LRRC37A2: variants seen among roughly 807,000 people sequenced by gnomAD.
The protein encoded by LRRC37A2 is leucine-rich repeat-containing protein 37A2.
LRRC37A2 carries 9 observed loss-of-function variants against 68.8 expected under a neutral mutation model. The observed-to-expected ratio is 0.13, with a 90% CI of 0.08 to 0.23. The LOEUF is 0.23. Ranked by LOEUF, LRRC37A2 falls within the 10% of genes least tolerant of loss-of-function variation. LRRC37A2 has a pLI of 1.00. For missense variants in LRRC37A2, 168 were observed against 950.4 expected, an observed-to-expected ratio of 0.18 and a Z score of 10.82; for synonymous variants, 63 against 367.6, an observed-to-expected ratio of 0.17 and a Z score of 9.48.
At chr17:46,960,441 T>C in the LRRC37A2 span, among the ~76,000 whole-genome samples, 1 of 152,226 alleles carries the variant, frequency 6.6e-6, no homozygotes, top group Non-Finnish European at 1.5e-5. Flanking sequence ...AAAAACAGTT[T>C]GGCAGTGTCT....
chr17:46,832,636 C>G, the LRRC37A2 span: 1 of 152,514 alleles, frequency 6.6e-6, no homozygotes, highest in African/African-American at 2.4e-5. Flanking sequence ...CACCGAGAGC[C>G]CCTTGAGCCC....
chr17:46,935,906 G>A, the LRRC37A2 span: 7 of 985,798 alleles, frequency 7.1e-6, no homozygotes, highest in Non-Finnish European at 8.4e-6. Context: ...ATCAGGGTGT[G>A]GTCCCCTGTG....
chr17:46,946,461 C>CAAA, the LRRC37A2 span, among the ~76,000 whole-genome samples: 9 of 98,992 alleles, frequency 9.1e-5, no homozygotes, highest in Admixed American at 2.1e-4. Context: ...AACTCCGTCT[C>CAAA]AAAAAAAAAA....
At chr17:46,940,633 T>C in the LRRC37A2 span, 1 of 1,614,074 alleles carries the variant, frequency 6.2e-7, no homozygotes, top group African/African-American at 1.3e-5. Context: ...TCTTGAACTC[T>C]GGGAGGCAGA....
chr17:46,492,235 G>T, the LRRC37A2 span, among the ~76,000 whole-genome samples: 1 of 151,266 alleles, frequency 6.6e-6, no homozygotes, highest in Non-Finnish European at 1.5e-5. Context: ...ATGGTGCCGG[G>T]ATTACAGGTG....
chr17:46,472,901 T>G, the LRRC37A2 span, among the ~76,000 whole-genome samples: 2 of 59,586 alleles, frequency 3.4e-5, no homozygotes, highest in Admixed American at 1.6e-4. Context: ...GGCAACAGAG[T>G]GAGACTCCGT....
chr17:46,926,429 C>A, the LRRC37A2 span, among the ~76,000 whole-genome samples: 1 of 152,240 alleles, frequency 6.6e-6, no homozygotes, highest in East Asian at 1.9e-4. Flanking sequence ...TTAAAAAATT[C>A]TTCCTAGATC....
At chr17:46,993,807 G>A in the LRRC37A2 span, among the ~76,000 whole-genome samples, 372 of 152,268 alleles carry the variant, frequency 2.4e-3, no homozygotes, top group African/African-American at 8.3e-3. Flanking sequence ...CATGTGCCCG[G>A]GCTGACATCC....
the LRRC37A2 span, among the ~76,000 whole-genome samples, chr17:46,708,065 C>T: frequency 1.3e-5 from 2 of 151,032 alleles, no homozygotes; most frequent in South Asian, 2.1e-4. Context: ...ATGATATGTA[C>T]ATACCACATG....
At chr17:46,688,086 AAT>A in the LRRC37A2 span, among the ~76,000 whole-genome samples, 1 of 118,756 alleles carries the variant, frequency 8.4e-6, no homozygotes, top group Non-Finnish European at 1.7e-5. Context: ...AATACATAAA[AAT>A]ATATTTCCTT....
the LRRC37A2 span, among the ~76,000 whole-genome samples, chr17:46,851,369 G>C: frequency 6.6e-6 from 1 of 151,078 alleles, no homozygotes; most frequent in Non-Finnish European, 1.5e-5. This position sits in a 1 kb window ranked among gnomAD's most constrained non-coding sequence, Gnocchi z 4.3. Context: ...CCAGGTGAGC[G>C]CTCACCTGGG....
At chr17:46,932,290 G>A in the LRRC37A2 span, 1 of 1,476,852 alleles carries the variant, frequency 6.8e-7, no homozygotes, top group Non-Finnish European at 9.4e-7. Flanking sequence ...TTTTGGGGGT[G>A]TCTGAAGAAG....
the LRRC37A2 span, chr17:47,017,347 A>AC: frequency 6.3e-7 from 1 of 1,590,562 alleles, no homozygotes; most frequent in Non-Finnish European, 8.6e-7. Flanking sequence ...CTGACCTCTA[A>AC]CCCCCTGGGG....
At chr17:46,798,262 G>A in the LRRC37A2 span, among the ~76,000 whole-genome samples, 1 of 152,162 alleles carries the variant, frequency 6.6e-6, no homozygotes, top group Non-Finnish European at 1.5e-5. Flanking sequence ...GGAATAAATA[G>A]GTAAAATTCA....
chr17:46,985,190 G>A, the LRRC37A2 span, among the ~76,000 whole-genome samples: 3 of 152,198 alleles, frequency 2.0e-5, no homozygotes, highest in African/African-American at 7.2e-5. Flanking sequence ...CTTCGAGGTT[G>A]GCCCCTGCTC....
At chr17:46,870,992 C>G in the LRRC37A2 span, among the ~76,000 whole-genome samples, 1 of 150,726 alleles carries the variant, frequency 6.6e-6, no homozygotes, top group South Asian at 2.1e-4. Context: ...CTCACTGCAG[C>G]CTCCACCTCC....
the LRRC37A2 span, among the ~76,000 whole-genome samples, chr17:46,970,952 G>A: frequency 1.3e-5 from 2 of 152,232 alleles, no homozygotes. Context: ...AAGGCTGCAT[G>A]CCAAAGGATT....
the LRRC37A2 span, among the ~76,000 whole-genome samples, chr17:46,746,877 A>G: frequency 6.6e-6 from 1 of 152,158 alleles, no homozygotes. Context: ...TAATTGAGAG[A>G]CTGATCTGGA....
the LRRC37A2 span, chr17:46,931,962 G>A: frequency 3.1e-6 from 3 of 953,474 alleles, no homozygotes; most frequent in Non-Finnish European, 5.1e-6. Flanking sequence ...GGGTGGTGTA[G>A]GGAGAAGTAA....
Sources: allele counts gnomAD v4.1 joint callset (sites outside exome capture counted in the v4.1 genomes callset), GRCh38; gene constraint gnomAD v4.1.1; non-coding constraint Gnocchi (gnomAD v3.1); transcripts MANE v1.5; gene names NCBI Gene and HGNC (gene_info 2026-07-23, HGNC 2026-07-21).